The following GALNTL6 variants were observed in gnomAD, a reference collection of about 807,000 sequenced individuals.
GALNTL6 encodes the protein polypeptide N-acetylgalactosaminyltransferase-like 6.
In GALNTL6, 46 loss-of-function variants were observed where a neutral mutation model predicts 73.7. That is an observed-to-expected ratio of 0.62 (90% CI 0.49 to 0.80). The LOEUF (loss-of-function observed/expected upper bound fraction) is 0.80, where lower values mean the gene tolerates loss of function less well. Among genes scored for constraint, GALNTL6 ranks in the 30% least tolerant of loss-of-function variants. The pLI, the probability that GALNTL6 is intolerant of heterozygous loss-of-function variation, is 0.00. For synonymous variants in GALNTL6, 259 were observed against 263.7 expected, an observed-to-expected ratio of 0.98 and a Z score of 0.17; for missense variants, 604 against 755.0, an observed-to-expected ratio of 0.80 and a Z score of 2.34.
intron 5 of GALNTL6, among the ~76,000 whole-genome samples, chr4:172,639,175 A>T (rs1739842869): frequency 6.6e-6 from 1 of 152,106 alleles, no homozygotes; most frequent in Admixed American, 6.6e-5. Context: ...ACATCTCATC[A>T]TATTTTGTCA....
chr4:172,767,155 G>T (rs568141812), intron 5 of GALNTL6, among the ~76,000 whole-genome samples: 7 of 152,340 alleles, frequency 4.6e-5, no homozygotes, highest in Non-Finnish European at 7.4e-5. Context: ...AAACTGGGCT[G>T]TCTTTCAACG....
intron 5 of GALNTL6, among the ~76,000 whole-genome samples, chr4:172,629,876 T>A (rs1185268311): frequency 2.6e-5 from 4 of 152,172 alleles, no homozygotes; most frequent in Admixed American, 2.6e-4. Flanking sequence ...GATAAGAAAA[T>A]CATTAAAAAT....
chr4:172,671,307 G>A (rs1259550645), intron 5 of GALNTL6, among the ~76,000 whole-genome samples: 2 of 152,042 alleles, frequency 1.3e-5, no homozygotes, highest in East Asian at 3.9e-4. Context: ...CCATTTGTTT[G>A]TGTTATCTCC....
At chr4:172,774,959 C>CAATAATAATAATAATAAT (rs57591714) in intron 5 of GALNTL6, among the ~76,000 whole-genome samples, 107 of 140,632 alleles carry the variant, frequency 7.6e-4, no homozygotes, top group African/African-American at 2.6e-3. Flanking sequence ...GGCTCCATCT[C>CAATAATAATAATAATAAT]AATAATAATA....
At chr4:172,062,141 A>G (rs1731223872) in intron 2 of GALNTL6, among the ~76,000 whole-genome samples, 1 of 151,146 alleles carries the variant, frequency 6.6e-6, no homozygotes, top group Non-Finnish European at 1.5e-5. Flanking sequence ...TTTTTAGTAG[A>G]GACAGGGTTT....
intron 2 of GALNTL6, among the ~76,000 whole-genome samples, chr4:172,118,633 G>A (rs1217472534): frequency 1.3e-5 from 2 of 151,808 alleles, no homozygotes; most frequent in South Asian, 2.1e-4. Context: ...TCTGGAGGTG[G>A]AAGTTGCAGT....
intron 5 of GALNTL6, among the ~76,000 whole-genome samples, chr4:172,652,603 T>G (rs1740525419): frequency 6.6e-6 from 1 of 152,190 alleles, no homozygotes; most frequent in African/African-American, 2.4e-5. Context: ...AAGAACAGAC[T>G]CTATCCCCAG....
intron 3 of GALNTL6, among the ~76,000 whole-genome samples, chr4:172,308,057 G>A (rs1438221379): frequency 1.0e-5 from 1 of 97,066 alleles, no homozygotes; most frequent in East Asian, 3.5e-4. Context: ...CAGTGGTTAA[G>A]TTGTTGATTT....
chr4:172,365,830 G>A (rs1230101482), intron 5 of GALNTL6, among the ~76,000 whole-genome samples: 3 of 151,932 alleles, frequency 2.0e-5, no homozygotes, highest in Non-Finnish European at 4.4e-5. Context: ...GACATTTTAA[G>A]AGCTTAAAAA....
rs114539358 is a variant in GALNTL6, at chr4:172,755,966, T to C, written c.554-53395T>C. On this transcript the variant is annotated intron_variant, in intron 5 of 12. Transcript: ENST00000506823. ...TACAGCATATAGAAGTCTCCCTTCA[T>C]TTGGTACCAACGTGAAAGCAAAAGG... is the stretch of plus-strand genomic sequence containing the variant. 8.0e-3 allele frequency among the ~76,000 whole-genome samples: 1,219 copies of C among 152,338 alleles called. 18 individuals are homozygous for C. Among genetic ancestry groups the C allele is most frequent in the African/African-American group, 0.028 (1,177 of 41,574 alleles).
intron 5 of GALNTL6, among the ~76,000 whole-genome samples, chr4:172,378,848 A>G (rs1743151379): frequency 6.6e-6 from 1 of 152,126 alleles, no homozygotes; most frequent in Non-Finnish European, 1.5e-5. Flanking sequence ...TTTTATTTTT[A>G]TGAAAATGAT....
At chr4:172,102,881 G>A (rs1346084942) in intron 2 of GALNTL6, among the ~76,000 whole-genome samples, 1 of 152,118 alleles carries the variant, frequency 6.6e-6, no homozygotes, top group Non-Finnish European at 1.5e-5. Flanking sequence ...TGGACTTGGG[G>A]CCTAAGAAGA....
intron 5 of GALNTL6, among the ~76,000 whole-genome samples, chr4:172,772,315 C>CG (rs1363523455): frequency 1.1e-4 from 17 of 152,238 alleles, no homozygotes; most frequent in African/African-American, 4.1e-4. Flanking sequence ...GAAGACAGGA[C>CG]TCCAGTCTTC....
At chr4:172,419,828 A>G (rs1730987679) in intron 5 of GALNTL6, among the ~76,000 whole-genome samples, 1 of 152,090 alleles carries the variant, frequency 6.6e-6, no homozygotes, top group Admixed American at 6.6e-5. Flanking sequence ...TCTTGGTTCA[A>G]TGTTTATTTG....
chr4:172,536,184 C>G (rs1479569048), intron 5 of GALNTL6, among the ~76,000 whole-genome samples: 1 of 152,188 alleles, frequency 6.6e-6, no homozygotes, highest in Non-Finnish European at 1.5e-5. Flanking sequence ...TCTGAGTCCA[C>G]TAAACCTCTT....
chr4:173,032,692 T>TA (rs1259204766), intron 12 of GALNTL6, among the ~76,000 whole-genome samples: 1 of 152,034 alleles, frequency 6.6e-6, no homozygotes, highest in Non-Finnish European at 1.5e-5. Context: ...CTCAAAAATA[T>TA]AAAAAAGGCC....
intron 5 of GALNTL6, among the ~76,000 whole-genome samples, chr4:172,488,827 GCAGTCC>G (rs1426201704): frequency 1.5e-5 from 2 of 137,052 alleles, no homozygotes; most frequent in East Asian, 5.3e-4. Context: ...AACTGCGAAG[GCAGTCC>G]TGGGGTGGGG....
At chr4:172,134,815 A>G (rs917266769) in intron 2 of GALNTL6, among the ~76,000 whole-genome samples, 6 of 152,182 alleles carry the variant, frequency 3.9e-5, no homozygotes, top group Non-Finnish European at 7.3e-5. Flanking sequence ...CAAAGCATTA[A>G]ATAAACAAAG....
chr4:172,156,540 A>ACTGTATATATGT lies in GALNTL6; in HGVS notation c.139-73116_139-73115insCTGTATATATGT, dbSNP rs58197299. On this transcript the variant is annotated intron_variant, in intron 2 of 12. Coordinates refer to ENST00000506823, the MANE Select transcript of GALNTL6 (RefSeq NM_001034845.3). ...TGACTTTAAATATACATATATATATAATATATATATATATATATATATATA... is the reference window on the plus strand; with the variant it reads ...TGACTTTAAATATACATATATATATACTGTATATATGTATATATATATATATATATATATATA... Among the ~76,000 whole-genome samples, 4 of 125,166 alleles carry ACTGTATATATGT rather than the reference A, an allele frequency of 3.2e-5. No homozygotes were observed. In the South Asian group the frequency reaches 9.6e-4, roughly 30 times the overall value. 82.1% of individuals were successfully genotyped at this position (125,166 alleles called of 152,430 possible).
Sources: allele counts gnomAD v4.1 joint callset (sites outside exome capture counted in the v4.1 genomes callset), GRCh38; gene constraint gnomAD v4.1.1; transcripts MANE v1.5; gene names NCBI Gene and HGNC (gene_info 2026-07-23, HGNC 2026-07-21).